CHODL: variants seen among roughly 807,000 people sequenced by gnomAD.
The protein encoded by CHODL is transmembrane protein MT75.
Under a neutral mutation model 34.5 loss-of-function variants are expected in CHODL, and 29 were observed. The observed-to-expected ratio is 0.84, with a 90% CI of 0.63 to 1.15. The LOEUF is 1.15. Ranked by LOEUF, CHODL falls within the 50% of genes most tolerant of loss-of-function variation. The pLI, the probability that CHODL is intolerant of heterozygous loss-of-function variation, is 0.00. For missense variants in CHODL, 332 were observed against 332.5 expected (o/e 1.00, Z 0.01); for synonymous variants, 125 against 116.1 (o/e 1.08, Z -0.49).
chr21:18,245,204 G>C lies in CHODL; in HGVS notation c.-20G>C. ...GCCGCCCTCGCTCCACGCAACACCT[G>C]CTGCTGCCACCGCGCCGCGATGAGC... On this transcript the variant is annotated 5_prime_UTR_variant, in exon 1 of 6. Coordinates refer to ENST00000299295, the MANE Select transcript of CHODL (RefSeq NM_024944.3). The C allele has an allele frequency of 6.6e-7, 1 of 1,509,884 alleles. No individual in the cohort carries two copies. Among genetic ancestry groups the C allele is most frequent in the South Asian group, 1.2e-5 (1 of 82,606 alleles). The allele number at this position is 1,509,884 out of a possible 1,614,324, so 93.5% of individuals were successfully genotyped here.
intron 1 of CHODL, among the ~76,000 whole-genome samples, chr21:17,957,773 G>A (rs1271684212): frequency 6.6e-6 from 1 of 151,404 alleles, no homozygotes; most frequent in Non-Finnish European, 1.5e-5. Flanking sequence ...GTGCAAATTA[G>A]TTCTCAAATC....
At chr21:18,181,705 T>C (rs1040113844) in intron 2 of CHODL, among the ~76,000 whole-genome samples, 15 of 152,320 alleles carry the variant, frequency 9.8e-5, no homozygotes, top group African/African-American at 3.4e-4. Context: ...TCACATCTTA[T>C]TCTCCCTCCT....
Position 18,061,530 on chromosome 21 carries a change from T to A in CHODL, c.-45+33559T>A, listed in dbSNP as rs1416168974. ...AGTCATTGTCAATTTCAGTACTGTA[T>A]CCTTTACAAATAATGTCTCAAAGAC... On this transcript the variant is annotated intron_variant, in intron 2 of 6. Coordinates refer to the CHODL transcript ENST00000400127. Among the ~76,000 whole-genome samples, 4 of 146,518 alleles carry A rather than the reference T, an allele frequency of 2.7e-5. No individual in the cohort carries two copies. In the East Asian group the frequency reaches 7.7e-4, roughly 28 times the overall value.
At chr21:18,068,836 GA>G (rs2064762671) in intron 2 of CHODL, among the ~76,000 whole-genome samples, 1 of 150,758 alleles carries the variant, frequency 6.6e-6, no homozygotes, top group Non-Finnish European at 1.5e-5. Flanking sequence ...ATCAATAACT[GA>G]AGGATCTGAG....
rs377702389 is a variant in CHODL at position 18,062,715 on chromosome 21, G to A, written c.-45+34744G>A. On this transcript the variant is annotated intron_variant, in intron 2 of 6. Transcript: ENST00000400127. ...CAGGAGACGGAGGTTGCAGTGAGCC[G>A]AGATAGCACCACTTCTCTCCAGCCT... Among the ~76,000 whole-genome samples, 233 of 152,194 alleles carry A rather than the reference G, an allele frequency of 1.5e-3. 6 individuals carry two copies. The South Asian group carries it at 0.041, about 27-fold the overall frequency.
rs1046558046 is a variant in CHODL, at chr21:18,206,604, C to T, written c.-44-49905C>T. Among the ~76,000 whole-genome samples the T allele has an allele frequency of 2.7e-4, 40 of 150,450 alleles. 1 individual carries two copies. Among genetic ancestry groups the T allele is most frequent in the Non-Finnish European group, 4.0e-4 (27 of 67,604 alleles). ...TTTTTCTTTGTATTTTTTTTTAATT[C>T]AGTCACTCTCTGTGTTTTGCTTGAG... On this transcript the variant is annotated intron_variant, in intron 2 of 6. Transcript: ENST00000400127.
intron 2 of CHODL, among the ~76,000 whole-genome samples, chr21:18,188,933 G>C (rs1306533468): frequency 6.6e-6 from 1 of 152,178 alleles, no homozygotes; most frequent in East Asian, 1.9e-4. Flanking sequence ...CAATAACGAG[G>C]GTGATGCCAG....
At chr21:18,174,159 A>ATCTTGGTATATATATATATATATGT (rs2073275880) in intron 2 of CHODL, among the ~76,000 whole-genome samples, 1 of 87,544 alleles carries the variant, frequency 1.1e-5, no homozygotes, top group Non-Finnish European at 2.9e-5. Flanking sequence ...ATATATATAT[A>ATCTTGGTATATATATATATATATGT]TAAAATCAAG....
intron 1 of CHODL, among the ~76,000 whole-genome samples, chr21:18,026,945 A>G (rs1167162469): frequency 6.6e-6 from 1 of 152,178 alleles, no homozygotes; most frequent in Middle Eastern, 3.2e-3. Context: ...CTGTTTTTAG[A>G]AAGATAATTT....
At chr21:18,214,855 G>T (rs2073808448) in intron 2 of CHODL, among the ~76,000 whole-genome samples, 2 of 151,996 alleles carry the variant, frequency 1.3e-5, no homozygotes, top group Admixed American at 1.3e-4. Flanking sequence ...ACACACAGCT[G>T]CATTGTTTGA....
intron 1 of CHODL, among the ~76,000 whole-genome samples, chr21:17,940,205 CT>C (rs1280633834): frequency 6.6e-6 from 1 of 152,200 alleles, no homozygotes; most frequent in African/African-American, 2.4e-5. Flanking sequence ...AAAAACCCAA[CT>C]GCAGCTCATA....
At chr21:18,045,326 T>G (rs964289379) in intron 2 of CHODL, among the ~76,000 whole-genome samples, 1 of 151,968 alleles carries the variant, frequency 6.6e-6, no homozygotes, top group African/African-American at 2.4e-5. Context: ...CATTTGCAGA[T>G]GTAATTAAGG....
At chr21:18,223,205 A>G (rs947864813) in intron 2 of CHODL, among the ~76,000 whole-genome samples, 1 of 152,204 alleles carries the variant, frequency 6.6e-6, no homozygotes, top group Admixed American at 6.5e-5. Context: ...TTGTTGGAAG[A>G]ATTCAATCAG....
intron 1 of CHODL, among the ~76,000 whole-genome samples, chr21:17,975,661 G>A (rs1035166589): frequency 2.6e-5 from 4 of 152,086 alleles, no homozygotes; most frequent in African/African-American, 7.2e-5. Flanking sequence ...TCTGCCAGAA[G>A]TATTCCTTCT....
At chr21:18,182,650 T>C (rs1340496959) in intron 2 of CHODL, among the ~76,000 whole-genome samples, 1 of 152,220 alleles carries the variant, frequency 6.6e-6, no homozygotes, top group Non-Finnish European at 1.5e-5. Context: ...TATGGAAAGA[T>C]GTAAAAATTC....
intron 2 of CHODL, among the ~76,000 whole-genome samples, chr21:18,127,672 GTTTTTTTT>G (rs71318127): frequency 0.017 from 1,172 of 70,058 alleles, 28 homozygotes; most frequent in African/African-American, 0.059. Flanking sequence ...CGTTGCCATT[GTTTTTTTT>G]TTTTTTTTTT....
intron 2 of CHODL, among the ~76,000 whole-genome samples, chr21:18,094,782 T>G (rs1180303110): frequency 1.3e-5 from 2 of 148,840 alleles, no homozygotes; most frequent in South Asian, 2.1e-4. Context: ...ATAGCACATC[T>G]TAATAAACTG....
At chr21:18,204,689 A>ACTTC (rs957249849) in intron 2 of CHODL, among the ~76,000 whole-genome samples, 10 of 152,158 alleles carry the variant, frequency 6.6e-5, no homozygotes, top group African/African-American at 2.2e-4. Context: ...GTAGTTTCTT[A>ACTTC]CTTCCATCTG....
intron 2 of CHODL, among the ~76,000 whole-genome samples, chr21:18,095,980 T>G: frequency 6.6e-6 from 1 of 152,158 alleles, no homozygotes; most frequent in Non-Finnish European, 1.5e-5. Context: ...TTTCGGGAAG[T>G]CAGGGACCCT....
Sources: allele counts gnomAD v4.1 joint callset (sites outside exome capture counted in the v4.1 genomes callset), GRCh38; gene constraint gnomAD v4.1.1; transcripts MANE v1.5; gene names NCBI Gene and HGNC (gene_info 2026-07-23, HGNC 2026-07-21).